DCPH1: variants seen among roughly 807,000 people sequenced by gnomAD.
DCPH1 encodes the protein damage control phosphatase 1.
At chr6:151,468,832 C>A in the DCPH1 span, 1 of 1,614,182 alleles carries the variant, frequency 6.2e-7, no homozygotes, top group Non-Finnish European at 8.5e-7. Flanking sequence ...TCAGGTTGCA[C>A]CTGACTTATA....
At chr6:151,453,407 AAGTGAC>A in the DCPH1 span, among the ~76,000 whole-genome samples, 1 of 152,240 alleles carries the variant, frequency 6.6e-6, no homozygotes, top group East Asian at 1.9e-4. Context: ...GGGAAAATTC[AAGTGAC>A]AGTTGATTTA....
chr6:151,461,482 C>T, the DCPH1 span, among the ~76,000 whole-genome samples: 1 of 152,074 alleles, frequency 6.6e-6, no homozygotes, highest in Non-Finnish European at 1.5e-5. Flanking sequence ...ATCAGCCTGG[C>T]CAACATGGTG....
chr6:151,462,271 G>C, the DCPH1 span, among the ~76,000 whole-genome samples: 1 of 152,176 alleles, frequency 6.6e-6, no homozygotes, highest in African/African-American at 2.4e-5. Flanking sequence ...GAACATACTT[G>C]TGTACCCAGT....
chr6:151,465,802 TAGAAGCTA>T, the DCPH1 span, among the ~76,000 whole-genome samples: 1 of 152,148 alleles, frequency 6.6e-6, no homozygotes, highest in African/African-American at 2.4e-5. Context: ...TCTTTGAACA[TAGAAGCTA>T]CAGAACTTGC....
At chr6:151,456,518 T>G in the DCPH1 span, among the ~76,000 whole-genome samples, 1 of 152,230 alleles carries the variant, frequency 6.6e-6, no homozygotes, top group Non-Finnish European at 1.5e-5. Context: ...CTGAATGGTT[T>G]TAATGTTTAT....
At chr6:151,452,577 A>G in the DCPH1 span, 3 of 1,611,372 alleles carry the variant, frequency 1.9e-6, no homozygotes, top group East Asian at 2.3e-5. Context: ...CTCTCAGGAC[A>G]GGACGTGGGG....
chr6:151,465,787 G>A, the DCPH1 span, among the ~76,000 whole-genome samples: 1 of 152,092 alleles, frequency 6.6e-6, no homozygotes, highest in Admixed American at 6.5e-5. Context: ...CCAGAGCCTG[G>A]GTGTTCTTTG....
At chr6:151,454,569 TAAAG>T in the DCPH1 span, 2 of 1,540,356 alleles carry the variant, frequency 1.3e-6, no homozygotes, top group Non-Finnish European at 1.8e-6. Flanking sequence ...ATCTTACAAT[TAAAG>T]ACAGAATACC....
the DCPH1 span, among the ~76,000 whole-genome samples, chr6:151,455,438 A>C: frequency 1.3e-5 from 2 of 152,210 alleles, no homozygotes; most frequent in Admixed American, 1.3e-4. Context: ...TCACAAGACA[A>C]TTGTGGGGAG....
the DCPH1 span, chr6:151,464,301 G>A: frequency 1.8e-5 from 9 of 509,638 alleles, 1 homozygote; most frequent in South Asian, 5.8e-5. Flanking sequence ...TGATTATTTA[G>A]TATTAAGTTT....
At chr6:151,463,682 G>A in the DCPH1 span, among the ~76,000 whole-genome samples, 2 of 152,184 alleles carry the variant, frequency 1.3e-5, no homozygotes, top group African/African-American at 4.8e-5. Flanking sequence ...TTACATCAGT[G>A]TTAGATTGTT....
the DCPH1 span, chr6:151,469,069 A>C: frequency 1.2e-6 from 2 of 1,613,638 alleles, no homozygotes; most frequent in Non-Finnish European, 1.7e-6. Flanking sequence ...CTGGTGGACC[A>C]CTGGAAAATA....
At chr6:151,458,054 T>A in the DCPH1 span, among the ~76,000 whole-genome samples, 1 of 152,158 alleles carries the variant, frequency 6.6e-6, no homozygotes, top group South Asian at 2.1e-4. Context: ...ACATGGAAAA[T>A]CTGGCAGGGG....
the DCPH1 span, chr6:151,458,576 C>T: frequency 1.9e-5 from 31 of 1,589,782 alleles, no homozygotes; most frequent in South Asian, 4.6e-5. Context: ...TCCAGAGGTA[C>T]GTGTGTAATC....
chr6:151,464,775 G>A, the DCPH1 span, among the ~76,000 whole-genome samples: 1 of 152,202 alleles, frequency 6.6e-6, no homozygotes, highest in Non-Finnish European at 1.5e-5. Context: ...TGCTAGAAAT[G>A]GGTTTGAAAT....
the DCPH1 span, among the ~76,000 whole-genome samples, chr6:151,460,805 C>CA: frequency 1.1e-4 from 16 of 151,148 alleles, no homozygotes; most frequent in Non-Finnish European, 1.6e-4. Context: ...AAAAAAACAA[C>CA]AAAAAAAACT....
At chr6:151,453,616 C>G in the DCPH1 span, among the ~76,000 whole-genome samples, 4 of 152,112 alleles carry the variant, frequency 2.6e-5, no homozygotes, top group Non-Finnish European at 5.9e-5. Flanking sequence ...TTGAGGAAAC[C>G]TTTTGAAGAA....
chr6:151,452,860 T>C, the DCPH1 span: 5 of 386,354 alleles, frequency 1.3e-5, no homozygotes, highest in South Asian at 2.3e-4. Flanking sequence ...TTTTTATTTA[T>C]TCACTTTAAT....
chr6:151,468,160 T>C, the DCPH1 span, among the ~76,000 whole-genome samples: 1 of 152,256 alleles, frequency 6.6e-6, no homozygotes, highest in Non-Finnish European at 1.5e-5. Flanking sequence ...TTTATCTTGT[T>C]AATACAGCAT....
Sources: allele counts gnomAD v4.1 joint callset (sites outside exome capture counted in the v4.1 genomes callset), GRCh38; gene constraint gnomAD v4.1.1; transcripts MANE v1.5; gene names NCBI Gene and HGNC (gene_info 2026-07-23, HGNC 2026-07-21).